NSA2: variants seen among roughly 807,000 people sequenced by gnomAD.
NSA2 encodes ribosome biogenesis protein NSA2 homolog.
NSA2 carries 18 observed loss-of-function variants against 34.8 expected under a neutral mutation model. That is an observed-to-expected ratio of 0.52 (90% CI 0.36 to 0.77). NSA2 has a LOEUF of 0.77. Ranked by LOEUF, NSA2 falls within the 30% of genes least tolerant of loss-of-function variation. NSA2 has a pLI of 0.00. For missense variants in NSA2, 188 were observed against 314.7 expected, an observed-to-expected ratio of 0.60 and a Z score of 3.05; for synonymous variants, 79 against 100.2, an observed-to-expected ratio of 0.79 and a Z score of 1.26.
rs1281701534 is a variant in NSA2, at chr5:74,769,227, GAA to G, written c.208_209del (p.Lys70GlufsTer8). ...IQMKKTIKMH[E>X]KRNTKQKNDE... ...CCTTCTTGGTAGTATCAAGATGCAT[GAA>G]AAGAGAAACACCAAACAAAAGAATG... is the stretch of plus-strand genomic sequence containing the variant. On this transcript the variant is annotated frameshift_variant, in exon 3 of 6. Coordinates refer to ENST00000610426, the MANE Select transcript of NSA2 (RefSeq NM_014886.6). LOFTEE classifies it high-confidence loss of function. 6.2e-7 allele frequency: 1 copy of G among 1,606,436 alleles called. No homozygotes were observed. The highest frequency in any genetic ancestry group is 8.5e-7 in the Non-Finnish European group (1 of 1,178,224).
In NSA2 at chr5:74,774,047, CAA is replaced by C; in HGVS notation, c.704_705del (p.Lys235SerfsTer14). ...AATTGGGCCTTGTGACACAAGGAGG[CAA>C]AGTTATTTGGGGTAAGTGAATTTTT... ...SELGLVTQGGKVIWGKYAQVT... is the reference protein window; with the variant it reads ...SELGLVTQGGXVIWGKYAQVT... On this transcript the variant is annotated frameshift_variant, in exon 5 of 6. Coordinates refer to ENST00000610426, the MANE Select transcript of NSA2 (RefSeq NM_014886.6). LOFTEE classifies it high-confidence loss of function. 6.2e-7 allele frequency: 1 copy of C among 1,612,850 alleles called. No homozygotes were observed. Among genetic ancestry groups the C allele is most frequent in the Non-Finnish European group, 8.5e-7 (1 of 1,179,222 alleles).
At position 74,773,511 on chromosome 5, in the gene NSA2, G is replaced by A. The variant is rs531654751; in HGVS notation, c.523-357G>A. ...AAAAATAAGCTAGGCATGGTGGTGC[G>A]TGCCTGTAGTCCCAGCTACTCAGGA... is the stretch of plus-strand genomic sequence containing the variant. On this transcript the variant is annotated intron_variant, in intron 4 of 5. Coordinates refer to ENST00000610426, the MANE Select transcript of NSA2 (RefSeq NM_014886.6). Among the ~76,000 whole-genome samples, 12 of 151,238 alleles carry A rather than the reference G, an allele frequency of 7.9e-5. No individual in the cohort carries two copies. The South Asian group carries it at 2.1e-3, about 26-fold the overall frequency.
chr5:74,772,449 T>C (rs1286930901), intron 4 of NSA2, among the ~76,000 whole-genome samples: 1 of 152,216 alleles, frequency 6.6e-6, no homozygotes, highest in Non-Finnish European at 1.5e-5. Context: ...GATTAAAATA[T>C]TGGCAAATAG....
At chr5:74,773,712 T>C (rs1745020592) in intron 4 of NSA2, among the ~76,000 whole-genome samples, 156 bp from the exon 5 acceptor site, 1 of 152,198 alleles carries the variant, frequency 6.6e-6, no homozygotes, top group Non-Finnish European at 1.5e-5. Flanking sequence ...CATCAGCTTT[T>C]TACTCTGTAA....
At position 74,777,137 on chromosome 5, in the gene NSA2, A is replaced by G. The variant is rs1394081179; in HGVS notation, c.*466A>G. 6.6e-6 allele frequency: 1 copy of G among 152,478 alleles called. No individual in the cohort carries two copies. Among genetic ancestry groups the G allele is most frequent in the African/African-American group, 2.4e-5 (1 of 41,458 alleles). 9.4% of individuals were successfully genotyped at this position (152,478 alleles called of 1,614,324 possible). A position where few individuals can be genotyped will look rare whatever the true frequency, so the allele number is the denominator to read the frequency against. On this transcript the variant is annotated 3_prime_UTR_variant, in exon 6 of 6. Coordinates refer to ENST00000610426, the MANE Select transcript of NSA2 (RefSeq NM_014886.6). ...CTAGAAGTATGTGAGAAGACACTAA[A>G]AGTTCAGAAATCTTAGAGAAATCTT... is the stretch of plus-strand genomic sequence containing the variant.
In NSA2 at chr5:74,769,257, G is replaced by A; in HGVS notation, c.235G>A (p.Glu79Lys). 3 of 1,611,832 alleles carry A rather than the reference G, an allele frequency of 1.9e-6. No individual in the cohort carries two copies. In the South Asian group the frequency reaches 3.3e-5, roughly 18 times the overall value. ...EKRNTKQKND[E>K]KTPQGAVPAY... Reference sequence around the variant, plus strand: ...GAGAAACACCAAACAAAAGAATGATGAAAAGACACCACAGGGAGCAGTACC... The same window carrying A: ...GAGAAACACCAAACAAAAGAATGATAAAAAGACACCACAGGGAGCAGTACC... Residue 79 changes from glutamate (E) to lysine (K), a missense_variant, in exon 3 of 6, where the codon GAA becomes AAA. By Grantham distance (56) the Glu-to-Lys change is moderately conservative (BLOSUM62 1). Transcript: ENST00000610426.
chr5:74,772,997 CAT>C, intron 4 of NSA2, among the ~76,000 whole-genome samples: 1 of 152,308 alleles, frequency 6.6e-6, no homozygotes, highest in East Asian at 1.9e-4. Flanking sequence ...CCTCCAGTCT[CAT>C]ATTGCCATCA....
rs769244317 is a variant in NSA2, at chr5:74,778,278, T to C, written c.*1607T>C. On this transcript the variant is annotated 3_prime_UTR_variant, in exon 6 of 6. Coordinates refer to ENST00000610426, the MANE Select transcript of NSA2 (RefSeq NM_014886.6). ...AATACTGTAACACAGATGAGTAATA[T>C]TAGTATAAATTTTTTATGTACATTA... is the stretch of plus-strand genomic sequence containing the variant. The C allele has an allele frequency of 2.6e-5, 4 of 151,984 alleles. No individual in the cohort carries two copies. Among genetic ancestry groups the C allele is most frequent in the Non-Finnish European group, 5.9e-5 (4 of 67,886 alleles). The allele number at this position is 151,984 out of a possible 1,614,324, so 9.4% of individuals were successfully genotyped here.
At chr5:74,768,825 T>C in intron 1 of NSA2, 106 bp from the exon 2 acceptor site, 4 of 794,834 alleles carry the variant, frequency 5.0e-6, no homozygotes, top group Non-Finnish European at 5.7e-6. Flanking sequence ...TTTAAGTAAG[T>C]GAACATTTGG....
In NSA2 at chr5:74,778,932, G is replaced by A. The variant is rs1322149191; in HGVS notation, c.*2261G>A. On this transcript the variant is annotated 3_prime_UTR_variant, in exon 6 of 6. Coordinates refer to ENST00000610426, the MANE Select transcript of NSA2 (RefSeq NM_014886.6). ...GCAAAAACTACAGATAACTGATTAA[G>A]TTCATGTAGGTTCCTTATTGAAGAT... 1 of 152,038 alleles carries A rather than the reference G, an allele frequency of 6.6e-6. No individual in the cohort carries two copies. The highest frequency in any genetic ancestry group is 1.9e-4 in the East Asian group (1 of 5,192). The allele number at this position is 152,038 out of a possible 1,614,324, so 9.4% of individuals were successfully genotyped here.
In NSA2 at chr5:74,779,137, C is replaced by G. The variant is rs1312373340; in HGVS notation, c.*2466C>G. 1 of 152,078 alleles carries G rather than the reference C, an allele frequency of 6.6e-6. No homozygotes were observed. Among genetic ancestry groups the G allele is most frequent in the East Asian group, 1.9e-4 (1 of 5,202 alleles). 9.4% of individuals were successfully genotyped at this position (152,078 alleles called of 1,614,324 possible). ...AAACTTCTAAATTGTTTACAATTCACTTACTATTTAACCCAAACAAGTTTA... is the reference window on the plus strand; with the variant it reads ...AAACTTCTAAATTGTTTACAATTCAGTTACTATTTAACCCAAACAAGTTTA... On this transcript the variant is annotated 3_prime_UTR_variant, in exon 6 of 6. Transcript: ENST00000610426.
chr5:74,770,520 A>G (rs1369467393), intron 3 of NSA2, 111 bp from the exon 4 acceptor site: 1 of 849,888 alleles, frequency 1.2e-6, no homozygotes, highest in East Asian at 2.6e-5. Context: ...AAATGTGTTG[A>G]TGGTCAAGCA....
chr5:74,773,476 A>T (rs867087662), intron 4 of NSA2, among the ~76,000 whole-genome samples: 19 of 150,142 alleles, frequency 1.3e-4, no homozygotes, highest in Middle Eastern at 3.4e-3. Context: ...CTACCAAAAA[A>T]AAAAAAAAAA....
In NSA2 at chr5:74,777,439, A is replaced by AATTT. The variant is rs988033942; in HGVS notation, c.*773_*776dup. ...AGACTGCACTGATTCCCTGAGGAGA[A>AATTT]ATTTATTTGCAGTTACTTAGATGAT... On this transcript the variant is annotated 3_prime_UTR_variant, in exon 6 of 6. Transcript: ENST00000610426. 2 of 152,162 alleles carry AATTT rather than the reference A, an allele frequency of 1.3e-5. No homozygotes were observed. Among genetic ancestry groups the AATTT allele is most frequent in the African/African-American group, 4.8e-5 (2 of 41,464 alleles). The allele number at this position is 152,162 out of a possible 1,614,324, so 9.4% of individuals were successfully genotyped here.
chr5:74,767,263 C>T lies in NSA2; in HGVS notation c.-98C>T, dbSNP rs766827948. 1.3e-4 allele frequency: 197 copies of T among 1,467,540 alleles called. No individual in the cohort carries two copies. The highest frequency in any genetic ancestry group is 1.7e-4 in the Non-Finnish European group (175 of 1,051,338). 90.9% of individuals were successfully genotyped at this position (1,467,540 alleles called of 1,614,324 possible). A position where few individuals can be genotyped will look rare whatever the true frequency, so the allele number is the denominator to read the frequency against. On this transcript the variant is annotated 5_prime_UTR_variant, in exon 1 of 6. Transcript: ENST00000610426. ...TTTAAAGGGTGACTCTTTCCTGTCC[C>T]GGCCTGCGTGGTGTGGGCTTGTGGG...
intron 4 of NSA2, among the ~76,000 whole-genome samples, chr5:74,773,060 G>A (rs1028381957): frequency 6.6e-6 from 1 of 152,034 alleles, no homozygotes; most frequent in South Asian, 2.1e-4. Context: ...GAAGGTAGCC[G>A]AGTTATATAA....
In NSA2 at chr5:74,778,441, C is replaced by T. The variant is rs1002932186; in HGVS notation, c.*1770C>T. The T allele has an allele frequency of 1.3e-5, 2 of 152,130 alleles. No individual in the cohort carries two copies. Among genetic ancestry groups the T allele is most frequent in the Admixed American group, 6.5e-5 (1 of 15,278 alleles). 9.4% of individuals were successfully genotyped at this position (152,130 alleles called of 1,614,324 possible). A position where few individuals can be genotyped will look rare whatever the true frequency, so the allele number is the denominator to read the frequency against. On this transcript the variant is annotated 3_prime_UTR_variant, in exon 6 of 6. Coordinates refer to ENST00000610426, the MANE Select transcript of NSA2 (RefSeq NM_014886.6). ...CATAAACCTTCAAGATTTCTAGTCA[C>T]TGAAACCCCATTGTAGGTAGTGTTC...
rs1459327462 is a variant in NSA2, at chr5:74,777,121, T to A, written c.*450T>A. On this transcript the variant is annotated 3_prime_UTR_variant, in exon 6 of 6. Coordinates refer to ENST00000610426, the MANE Select transcript of NSA2 (RefSeq NM_014886.6). Reference sequence around the variant, plus strand: ...ATAGTGTTTGTTTACACTAGAAGTATGTGAGAAGACACTAAAAGTTCAGAA... The same window carrying A: ...ATAGTGTTTGTTTACACTAGAAGTAAGTGAGAAGACACTAAAAGTTCAGAA... 6.5e-6 allele frequency: 1 copy of A among 152,806 alleles called. No homozygotes were observed. The highest frequency in any genetic ancestry group is 2.4e-5 in the African/African-American group (1 of 41,446). The allele number at this position is 152,806 out of a possible 1,614,324, so 9.5% of individuals were successfully genotyped here.
chr5:74,776,687 T>TAA lies in NSA2; in HGVS notation c.*17_*18dup, dbSNP rs777799061. 1 of 1,363,242 alleles carries TAA rather than the reference T, an allele frequency of 7.3e-7. No individual in the cohort carries two copies. Among genetic ancestry groups the TAA allele is most frequent in the African/African-American group, 1.4e-5 (1 of 70,004 alleles). 84.4% of individuals were successfully genotyped at this position (1,363,242 alleles called of 1,614,324 possible). A position where few individuals can be genotyped will look rare whatever the true frequency, so the allele number is the denominator to read the frequency against. ...ACTGGTTTGACAGCAATTTCATATATAATTATTGAGGACTACACACCAATT... is the reference window on the plus strand; with the variant it reads ...ACTGGTTTGACAGCAATTTCATATATAAAATTATTGAGGACTACACACCAATT... On this transcript the variant is annotated 3_prime_UTR_variant, in exon 6 of 6. Transcript: ENST00000610426.
Sources: gnomAD v4.1 joint callset for allele counts (sites outside exome capture counted in the v4.1 genomes callset) on GRCh38, gnomAD v4.1.1 for gene constraint, MANE v1.5 for transcripts, NCBI Gene and HGNC (gene_info 2026-07-23, HGNC 2026-07-21) for gene names.